The following SORBS2 variants were observed in gnomAD, a reference collection of about 807,000 sequenced individuals.
SORBS2 encodes the protein sorbin and SH3 domain-containing protein 2.
In SORBS2, 46 loss-of-function variants were observed where a neutral mutation model predicts 97.7. The ratio of observed to expected loss-of-function variants is 0.47; its 90% CI spans 0.37 to 0.60. The LOEUF (loss-of-function observed/expected upper bound fraction) is 0.60, where lower values mean the gene tolerates loss of function less well. Among genes scored for constraint, SORBS2 ranks in the 20% least tolerant of loss-of-function variants. SORBS2 has a pLI of 0.00. For missense variants in SORBS2, 1,316 were observed against 1,282.3 expected (o/e 1.03, Z -0.40); for synonymous variants, 476 against 473.4 (o/e 1.01, Z -0.07).
rs571927720 is a variant in SORBS2, at chr4:185,816,162, A to G, written c.-337-40796T>C. ...CTTCCCTGTATTCTGATCTTAAACC[A>G]TTTATCCTCTGGTTCGTATTTTGAA... On this transcript the variant is annotated intron_variant, in intron 1 of 20. Coordinates refer to the SORBS2 transcript ENST00000284776. Among the ~76,000 whole-genome samples, 22 of 152,318 alleles carry G rather than the reference A, an allele frequency of 1.4e-4. No homozygotes were observed. The South Asian group carries it at 2.7e-3, about 19-fold the overall frequency.
chr4:185,624,042 T>A (rs777972324), exon 7 of SORBS2: 9 of 1,614,050 alleles, frequency 5.6e-6, no homozygotes, highest in Non-Finnish European at 5.9e-6. Flanking sequence ...TTGCGGTTGA[T>A]GCGGTGCATT....
chr4:185,692,944 A>G (rs2098121327), intron 2 of SORBS2, among the ~76,000 whole-genome samples: 1 of 152,214 alleles, frequency 6.6e-6, no homozygotes, highest in Non-Finnish European at 1.5e-5. Flanking sequence ...TTAGAGCTCT[A>G]CGCTGAAAAC....
At chr4:185,608,900 T>C (rs1331726021) in intron 12 of SORBS2, among the ~76,000 whole-genome samples, 1 of 152,204 alleles carries the variant, frequency 6.6e-6, no homozygotes, top group Non-Finnish European at 1.5e-5. Flanking sequence ...CTCTTGCTCC[T>C]GGGGACTTAG....
At chr4:185,933,702 C>A (rs749781546) in intron 1 of SORBS2, among the ~76,000 whole-genome samples, 1 of 152,104 alleles carries the variant, frequency 6.6e-6, no homozygotes, top group Non-Finnish European at 1.5e-5. Context: ...ATGCCCACCC[C>A]ACTCCAAAAT....
At chr4:185,701,067 A>C (rs1236646158) in intron 2 of SORBS2, among the ~76,000 whole-genome samples, 3 of 152,242 alleles carry the variant, frequency 2.0e-5, no homozygotes, top group Non-Finnish European at 4.4e-5. Context: ...AAATGATCAG[A>C]ACACTTTTTG....
intron 4 of SORBS2, among the ~76,000 whole-genome samples, chr4:185,669,470 C>G (rs2097674372): frequency 6.6e-6 from 1 of 152,142 alleles, no homozygotes; most frequent in African/African-American, 2.4e-5. Flanking sequence ...AGCCCCTAAG[C>G]TGTCACTTGC....
intron 2 of SORBS2, among the ~76,000 whole-genome samples, chr4:185,689,955 C>G (rs1364720220): frequency 2.0e-5 from 3 of 152,138 alleles, no homozygotes; most frequent in African/African-American, 7.2e-5. Context: ...CAAATTATTT[C>G]TACTGTGGAA....
chr4:185,661,002 C>T (rs575140989), upstream of SORBS2, among the ~76,000 whole-genome samples: 13 of 152,174 alleles, frequency 8.5e-5, no homozygotes, highest in South Asian at 4.1e-4. Context: ...GGGCCGGGCA[C>T]GGTGGCTCAT....
At chr4:185,858,201 A>G (rs1488587740) in intron 1 of SORBS2, among the ~76,000 whole-genome samples, 1 of 152,186 alleles carries the variant, frequency 6.6e-6, no homozygotes, top group African/African-American at 2.4e-5. Context: ...GGAAAATAGA[A>G]AAGAACCTAC....
exon 15 of SORBS2, chr4:185,585,554 A>G (rs971206639): frequency 3.9e-5 from 6 of 152,258 alleles, no homozygotes; most frequent in Non-Finnish European, 8.8e-5. Context: ...TTAGATGTCT[A>G]TTCAAGAAAA....
At chr4:185,887,624 G>A (rs907754117) in intron 1 of SORBS2, among the ~76,000 whole-genome samples, 1 of 152,120 alleles carries the variant, frequency 6.6e-6, no homozygotes, top group Non-Finnish European at 1.5e-5. Flanking sequence ...AGCAAAATGA[G>A]CTACTGTAAC....
chr4:185,791,748 G>A (rs543877523), intron 1 of SORBS2, among the ~76,000 whole-genome samples: 12 of 151,750 alleles, frequency 7.9e-5, no homozygotes, highest in Non-Finnish European at 1.0e-4. Flanking sequence ...AGTACATGCC[G>A]TCAGAGTAAC....
chr4:185,745,963 C>T (rs994264090), intron 2 of SORBS2, among the ~76,000 whole-genome samples: 2 of 152,134 alleles, frequency 1.3e-5, no homozygotes, highest in African/African-American at 2.4e-5. Context: ...AACGATATCA[C>T]CAAAGTCCTA....
intron 2 of SORBS2, among the ~76,000 whole-genome samples, chr4:185,680,772 G>A (rs1467886834): frequency 6.6e-6 from 1 of 152,110 alleles, no homozygotes; most frequent in Non-Finnish European, 1.5e-5. Context: ...TACTGGGCGG[G>A]TCTGAAGGAC....
chr4:185,645,128 C>A (rs955816114), intron 4 of SORBS2, among the ~76,000 whole-genome samples: 1 of 152,156 alleles, frequency 6.6e-6, no homozygotes, highest in African/African-American at 2.4e-5. Context: ...AAAACCAATC[C>A]TGTTTCCTGA....
At position 185,822,826 on chromosome 4, in the gene SORBS2, C is replaced by T. The variant is rs748722452; in HGVS notation, c.-337-47460G>A. On this transcript the variant is annotated intron_variant, in intron 1 of 20. Coordinates refer to the SORBS2 transcript ENST00000284776. ...CTCAGCATTCTGAGAGTTCTGAGAA[C>T]GCCGGGAGTATAAAGATTTTACATT... Among the ~76,000 whole-genome samples the T allele has an allele frequency of 5.3e-5, 8 of 152,190 alleles. No individual in the cohort carries two copies. The South Asian group carries it at 6.2e-4, about 12-fold the overall frequency.
chr4:185,736,566 C>A (rs1029883121), intron 2 of SORBS2, among the ~76,000 whole-genome samples: 1 of 152,172 alleles, frequency 6.6e-6, no homozygotes, highest in Non-Finnish European at 1.5e-5. Flanking sequence ...GCTTCGGACA[C>A]AATACCTTTC....
chr4:185,754,937 A>G (rs2098822084), intron 2 of SORBS2, among the ~76,000 whole-genome samples: 1 of 152,200 alleles, frequency 6.6e-6, no homozygotes, highest in African/African-American at 2.4e-5. Flanking sequence ...GAGGCTGGGG[A>G]ATGTAATCTA....
intron 2 of SORBS2, chr4:185,773,265 C>G (rs1253222206): frequency 6.6e-6 from 1 of 152,260 alleles, no homozygotes; most frequent in Non-Finnish European, 1.5e-5. Context: ...CCCATCCCCC[C>G]AACAAAGCCC....
Sources: allele counts gnomAD v4.1 joint callset (sites outside exome capture counted in the v4.1 genomes callset), GRCh38; gene constraint gnomAD v4.1.1; transcripts MANE v1.5; gene names NCBI Gene and HGNC (gene_info 2026-07-23, HGNC 2026-07-21).